Variants in LIN7A observed in about 807,000 individuals in gnomAD.
The protein encoded by LIN7A is lin-7 cell polarity scaffold A.
A neutral mutation model predicts 29.8 loss-of-function variants in LIN7A; 25 were observed. That is an observed-to-expected ratio of 0.84 (90% CI 0.61 to 1.17). LIN7A has a LOEUF of 1.17. Ranked by LOEUF, LIN7A falls within the 50% of genes most tolerant of loss-of-function variation. The pLI, the probability that LIN7A is intolerant of heterozygous loss-of-function variation, is 0.00. For missense variants in LIN7A, 239 were observed against 287.0 expected (o/e 0.83, Z 1.21); for synonymous variants, 118 against 107.5 (o/e 1.10, Z -0.60).
chr12:80,841,749 C>T (rs1167704242), intron 4 of LIN7A: 8 of 263,014 alleles, frequency 3.0e-5, no homozygotes, highest in Non-Finnish European at 4.8e-5. Context: ...TTACGGTTGC[C>T]GCTGGCTCCA....
intron 1 of LIN7A, among the ~76,000 whole-genome samples, chr12:80,928,296 A>G (rs1455281449): frequency 1.3e-5 from 2 of 152,090 alleles, no homozygotes; most frequent in Non-Finnish European, 2.9e-5. Flanking sequence ...GTCTTCCACA[A>G]TGGTTGAACC....
rs369336731 is a variant in LIN7A, at chr12:80,849,161, T to C, written c.202-839A>G. On this transcript the variant is annotated intron_variant, in intron 2 of 5. Transcript: ENST00000552864. ...CTAACTTTTAGCTCTGAATCTCCAC[T>C]TAACAATTATGAGGTGTTCAATTTC... Among the ~76,000 whole-genome samples the C allele has an allele frequency of 4.6e-5, 7 of 152,152 alleles. No individual in the cohort carries two copies. In the South Asian group the frequency reaches 1.5e-3, roughly 32 times the overall value.
At chr12:80,863,024 T>G (rs560586255) in intron 2 of LIN7A, among the ~76,000 whole-genome samples, 1 of 152,240 alleles carries the variant, frequency 6.6e-6, no homozygotes, top group Non-Finnish European at 1.5e-5. Flanking sequence ...TTATGGTAAA[T>G]GCACCACGCT....
intron 5 of LIN7A, among the ~76,000 whole-genome samples, chr12:80,807,084 T>G (rs868712980): frequency 7.7e-6 from 1 of 129,210 alleles, no homozygotes; most frequent in African/African-American, 2.7e-5. Flanking sequence ...TTTTTTTTTT[T>G]TTTTTTTGAC....
intron 2 of LIN7A, among the ~76,000 whole-genome samples, chr12:80,868,340 G>T (rs528369785): frequency 6.6e-6 from 1 of 152,150 alleles, no homozygotes; most frequent in Admixed American, 6.5e-5. Flanking sequence ...AGGCCAAGGC[G>T]GGCAGATCAC....
At chr12:80,918,323 C>T (rs1450061159) in intron 1 of LIN7A, among the ~76,000 whole-genome samples, 1 of 152,086 alleles carries the variant, frequency 6.6e-6, no homozygotes, top group African/African-American at 2.4e-5. Flanking sequence ...ACTGGGATTA[C>T]AGGCATGAGC....
chr12:80,920,468 T>C (rs181485683), intron 1 of LIN7A, among the ~76,000 whole-genome samples: 5 of 152,300 alleles, frequency 3.3e-5, no homozygotes, highest in South Asian at 2.1e-4. Context: ...TTGTAAGTGA[T>C]ATTATTAAGG....
At chr12:80,919,238 T>C (rs1412849338) in intron 1 of LIN7A, among the ~76,000 whole-genome samples, 1 of 152,202 alleles carries the variant, frequency 6.6e-6, no homozygotes, top group Admixed American at 6.5e-5. Flanking sequence ...CACAGTTTCT[T>C]ACTCTGCTAG....
intron 1 of LIN7A, among the ~76,000 whole-genome samples, chr12:80,914,423 G>A (rs1876926762): frequency 6.6e-6 from 1 of 152,086 alleles, no homozygotes; most frequent in Non-Finnish European, 1.5e-5. Context: ...TGTTTATAAA[G>A]CACGAATCTT....
At chr12:80,822,246 T>G (rs1408129748) in intron 4 of LIN7A, among the ~76,000 whole-genome samples, 1 of 152,156 alleles carries the variant, frequency 6.6e-6, no homozygotes, top group East Asian at 1.9e-4. Context: ...CTTGTGAGAC[T>G]TATTCACTAC....
At chr12:80,932,049 C>T (rs1460811652) in intron 1 of LIN7A, among the ~76,000 whole-genome samples, 1 of 152,126 alleles carries the variant, frequency 6.6e-6, no homozygotes, top group African/African-American at 2.4e-5. Flanking sequence ...TAAGCAAAAG[C>T]AATTTTCTGG....
At chr12:80,845,358 G>C (rs557840330) in intron 4 of LIN7A, among the ~76,000 whole-genome samples, 12 of 151,994 alleles carry the variant, frequency 7.9e-5, no homozygotes, top group African/African-American at 2.9e-4. Flanking sequence ...ACATTACAAA[G>C]TAAGGAGCTA....
rs550547924 is a variant in LIN7A, at chr12:80,919,830, C to T, written c.82+17811G>A. 3.9e-5 allele frequency among the ~76,000 whole-genome samples: 6 copies of T among 152,278 alleles called. No individual in the cohort carries two copies. In the East Asian group the frequency reaches 7.7e-4, roughly 20 times the overall value. Reference sequence around the variant, plus strand: ...GAAAGCCCTATGCTTGAGACCCAGACACACAGAGGCTTCCTAAGACTGAGG... The same window carrying T: ...GAAAGCCCTATGCTTGAGACCCAGATACACAGAGGCTTCCTAAGACTGAGG... On this transcript the variant is annotated intron_variant, in intron 1 of 5. Transcript: ENST00000552864.
chr12:80,848,419 A>G (rs1014357526), intron 2 of LIN7A, 97 bp from the exon 3 acceptor site: 3 of 892,664 alleles, frequency 3.4e-6, no homozygotes, highest in African/African-American at 1.7e-5. Flanking sequence ...GTAGGAAAAA[A>G]ATTCTCTATT....
At position 80,797,459 on chromosome 12, in the gene LIN7A, C is replaced by T. The variant is rs1031629292; in HGVS notation, c.*268G>A. The T allele has an allele frequency of 6.6e-6, 1 of 152,610 alleles. No individual in the cohort carries two copies. The highest frequency in any genetic ancestry group is 2.4e-5 in the African/African-American group (1 of 41,442). The allele number at this position is 152,610 out of a possible 1,614,324, so 9.5% of individuals were successfully genotyped here. A position where few individuals can be genotyped will look rare whatever the true frequency, so the allele number is the denominator to read the frequency against. Reference sequence around the variant, plus strand: ...TTCTTACACTGTTTCAGTTTGCAGACTAGAAAACCTCTCCCTCTGCACACT... The same window carrying T: ...TTCTTACACTGTTTCAGTTTGCAGATTAGAAAACCTCTCCCTCTGCACACT... On this transcript the variant is annotated 3_prime_UTR_variant, in exon 6 of 6. Coordinates refer to ENST00000552864, the MANE Select transcript of LIN7A (RefSeq NM_004664.4).
intron 4 of LIN7A, among the ~76,000 whole-genome samples, chr12:80,821,731 C>T (rs149493575): frequency 2.6e-4 from 39 of 152,258 alleles, no homozygotes; most frequent in Admixed American, 1.2e-3. Context: ...ATTGGAGGGG[C>T]GAGAGCCCCA....
rs1037567594 is a variant in LIN7A, at chr12:80,796,544, G to C, written c.*1183C>G. ...TTGGTGATTTTATTTTATTTTTCTAGAGGAAGCAGCATCTGCCATTCACAA... is the reference window on the plus strand; with the variant it reads ...TTGGTGATTTTATTTTATTTTTCTACAGGAAGCAGCATCTGCCATTCACAA... On this transcript the variant is annotated 3_prime_UTR_variant, in exon 6 of 6. Transcript: ENST00000552864. 1.3e-5 allele frequency: 2 copies of C among 151,940 alleles called. No homozygotes were observed. Among genetic ancestry groups the C allele is most frequent in the Non-Finnish European group, 2.9e-5 (2 of 67,986 alleles). The allele number at this position is 151,940 out of a possible 1,614,324, so 9.4% of individuals were successfully genotyped here. A position where few individuals can be genotyped will look rare whatever the true frequency, so the allele number is the denominator to read the frequency against.
At chr12:80,918,431 T>A (rs1301888595) in intron 1 of LIN7A, among the ~76,000 whole-genome samples, 1 of 152,048 alleles carries the variant, frequency 6.6e-6, no homozygotes, top group Non-Finnish European at 1.5e-5. Flanking sequence ...GCAGTTTGGC[T>A]TATGGGCATA....
intron 4 of LIN7A, among the ~76,000 whole-genome samples, chr12:80,820,677 A>G (rs1871761808): frequency 6.7e-6 from 1 of 149,144 alleles, no homozygotes; most frequent in South Asian, 2.1e-4. Context: ...AGGAGTACAA[A>G]CATGAGCTTT....
Sources: gnomAD v4.1 joint callset for allele counts (sites outside exome capture counted in the v4.1 genomes callset) on GRCh38, gnomAD v4.1.1 for gene constraint, MANE v1.5 for transcripts, NCBI Gene and HGNC (gene_info 2026-07-23, HGNC 2026-07-21) for gene names.